The following ARHGEF4 variants were observed in gnomAD, a reference collection of about 807,000 sequenced individuals.
ARHGEF4 encodes Rho guanine nucleotide exchange factor 4.
In ARHGEF4, 119 loss-of-function variants were observed where a neutral mutation model predicts 162.0. The ratio of observed to expected loss-of-function variants is 0.73; its 90% CI spans 0.63 to 0.86. ARHGEF4 has a LOEUF of 0.86. ARHGEF4 is among the 40% of genes least tolerant of loss of function. ARHGEF4 has a pLI of 0.00. For synonymous variants in ARHGEF4, 1,014 were observed against 979.9 expected (o/e 1.03, Z -0.65); for missense variants, 2,488 against 2,456.0 (o/e 1.01, Z -0.28).
chr2:130,867,453 G>A (rs1223494502), intron 1 of ARHGEF4, among the ~76,000 whole-genome samples: 1 of 151,960 alleles, frequency 6.6e-6, no homozygotes, highest in Non-Finnish European at 1.5e-5. Flanking sequence ...GGCCAGGCTG[G>A]TCTCGAACTC....
chr2:130,837,323 C>G (rs1286690970), intron 1 of ARHGEF4: 5 of 350,962 alleles, frequency 1.4e-5, no homozygotes, highest in Non-Finnish European at 2.6e-5. Flanking sequence ...GCGGGGCACT[C>G]GGAGCCGCTG....
chr2:130,934,851 G>A (rs533153321), intron 3 of ARHGEF4, among the ~76,000 whole-genome samples: 1 of 151,232 alleles, frequency 6.6e-6, no homozygotes, highest in African/African-American at 2.4e-5. Context: ...GCCAAAGTTT[G>A]TATTTCTTAT....
intron 1 of ARHGEF4, among the ~76,000 whole-genome samples, chr2:130,868,717 C>T (rs1682474521): frequency 6.6e-6 from 1 of 152,156 alleles, no homozygotes; most frequent in East Asian, 1.9e-4. Context: ...GCTGCTGCAA[C>T]AAGCTAGTAC....
At position 130,999,358 on chromosome 2, in the gene ARHGEF4, A is replaced by G. The variant is rs374631662; in HGVS notation, c.3986-28587A>G. On this transcript the variant is annotated intron_variant, in intron 4 of 13. Transcript: ENST00000409359. ...TTTTTAGTAGAGACGGGGTTTTACC[A>G]TGTTAGCCAGGATGGTCTCGATCTC... 3.3e-3 allele frequency among the ~76,000 whole-genome samples: 506 copies of G among 151,384 alleles called. 3 individuals carry two copies. The highest frequency in any genetic ancestry group is 8.0e-3 in the East Asian group (40 of 5,006).
At chr2:130,855,040 A>AT (rs577945797) in intron 1 of ARHGEF4, among the ~76,000 whole-genome samples, 19,129 of 146,424 alleles carry the variant, frequency 0.13, 1,313 homozygotes, top group South Asian at 0.22. Flanking sequence ...CGCCCGGCAA[A>AT]TTTTTTTTTT....
intron 1 of ARHGEF4, among the ~76,000 whole-genome samples, chr2:130,907,201 T>G (rs1386694002): frequency 6.9e-6 from 1 of 144,282 alleles, no homozygotes; most frequent in Non-Finnish European, 1.5e-5. Flanking sequence ...TAATTGATAG[T>G]TTGTCCCTTT....
intron 1 of ARHGEF4, among the ~76,000 whole-genome samples, chr2:130,854,788 G>A (rs1160625233): frequency 6.6e-6 from 1 of 152,198 alleles, no homozygotes; most frequent in East Asian, 1.9e-4. Context: ...GTGTTCTGAT[G>A]CAGGGCTTCT....
chr2:131,045,878 G>A, intron 13 of ARHGEF4, 160 bp from the exon 14 acceptor site: 2 of 1,486,550 alleles, frequency 1.3e-6, no homozygotes, highest in Non-Finnish European at 1.8e-6. Context: ...CTGAGCTCTT[G>A]GATGTGGTCA....
intron 4 of ARHGEF4, among the ~76,000 whole-genome samples, chr2:131,005,715 C>T (rs1255431039): frequency 3.9e-5 from 6 of 152,134 alleles, no homozygotes; most frequent in Non-Finnish European, 8.8e-5. Flanking sequence ...CCCAGCGCCC[C>T]AGGGGCCAGG....
chr2:131,033,113 A>G (rs1689979842), intron 5 of ARHGEF4, among the ~76,000 whole-genome samples: 1 of 152,018 alleles, frequency 6.6e-6, no homozygotes, highest in Admixed American at 6.5e-5. Flanking sequence ...TTGGCTTCGC[A>G]AAGTGCTGGG....
At chr2:130,867,149 TG>T (rs1392464580) in intron 1 of ARHGEF4, among the ~76,000 whole-genome samples, 7 of 152,192 alleles carry the variant, frequency 4.6e-5, no homozygotes, top group African/African-American at 1.7e-4. Context: ...ATTTTCAAAC[TG>T]GGGGGTATAG....
chr2:130,914,848 C>T lies in ARHGEF4; in HGVS notation c.902C>T (p.Ser301Phe). ...CCCTGCCAGCCTCCTTTGAGGACAT[C>T]TTGCCTCCTACGCACCAACCGTCAC... ...DVPCQPPLRT[S>F]CLLRTNRHHS... Residue 301 changes from serine to phenylalanine, a missense_variant, in exon 2 of 14, where the codon TCT (serine) becomes TTT (phenylalanine). Physicochemically the swap from Ser to Phe is radical, Grantham distance 155 (BLOSUM62 -2). Transcript: ENST00000409359. 6.8e-7 allele frequency: 1 copy of T among 1,468,226 alleles called. No homozygotes were observed. Among genetic ancestry groups the T allele is most frequent in the Middle Eastern group, 1.8e-4 (1 of 5,512 alleles). 90.9% of individuals were successfully genotyped at this position (1,468,226 alleles called of 1,614,324 possible).
chr2:130,962,884 C>T (rs1434622396), intron 4 of ARHGEF4, among the ~76,000 whole-genome samples: 1 of 152,160 alleles, frequency 6.6e-6, no homozygotes, highest in Non-Finnish European at 1.5e-5. Flanking sequence ...GCCCCTCAAC[C>T]TCCAAAGGGA....
At position 130,936,193 on chromosome 2, in the gene ARHGEF4, G is replaced by GTTAGT. The variant is rs1682935203; in HGVS notation, c.3858+4939_3858+4943dup. ...TTGGTTTAGTGTTCTGTATATGTCT[G>GTTAGT]TTAGTTTTAATTGGTTTATAGTATT... On this transcript the variant is annotated intron_variant, in intron 3 of 13. Coordinates refer to ENST00000409359, the MANE Select transcript of ARHGEF4 (RefSeq NM_001367493.1). Among the ~76,000 whole-genome samples, 6 of 152,320 alleles carry GTTAGT rather than the reference G, an allele frequency of 3.9e-5. No individual in the cohort carries two copies. In the South Asian group the frequency reaches 1.0e-3, roughly 26 times the overall value.
rs1395424313 is a variant in ARHGEF4 at position 130,931,155 on chromosome 2, G to A, written c.3756G>A (p.Val1252=). 6.2e-7 allele frequency: 1 copy of A among 1,614,066 alleles called. No individual in the cohort carries two copies. Among genetic ancestry groups the A allele is most frequent in the Non-Finnish European group, 8.5e-7 (1 of 1,180,026 alleles). ...TCCCTCACCGCTCGCCCGTCAGTGT[G>A]GATGACCTGTGGCTGGAGAAGACAC... ...RGIPHRSPVS[V]DDLWLEKTQR... is the part of the protein sequence containing the mutation. The change falls in exon 3 of 14, where the codon GTG becomes GTA. Residue 1252 remains valine, a synonymous_variant. Transcript: ENST00000409359.
Position 130,915,889 on chromosome 2 carries a change from C to A in ARHGEF4, c.1943C>A (p.Ala648Glu). 6.5e-7 allele frequency: 1 copy of A among 1,549,738 alleles called. No homozygotes were observed. The highest frequency in any genetic ancestry group is 2.4e-5 in the East Asian group (1 of 40,912). Residue 648 changes from alanine to glutamate, a missense_variant, in exon 2 of 14, where the codon GCG becomes GAG. By Grantham distance (107) the Ala-to-Glu change is moderately radical. This residue lies in a region of ARHGEF4 where 1,642 missense variants were observed against 1,481.5 expected (regional missense o/e 1.11). Transcript: ENST00000409359. ...GGTCTTCAGGCCAGCAGGAGCAATG[C>A]GGGGCCTGTTCCAGAAACACTGCCC... is the stretch of plus-strand genomic sequence containing the variant. ...QKGLQASRSN[A>E]GPVPETLPRD...
In ARHGEF4 at chr2:130,917,317, G is replaced by A; in HGVS notation, c.3371G>A (p.Ser1124Asn). 1 of 1,550,598 alleles carries A rather than the reference G, an allele frequency of 6.4e-7. No homozygotes were observed. The highest frequency in any genetic ancestry group is 8.7e-7 in the Non-Finnish European group (1 of 1,147,000). Residue 1124 changes from serine to asparagine, a missense_variant, in exon 2 of 14, where the codon AGC (serine) becomes AAC (asparagine). Physicochemically the swap from Ser to Asn is conservative, Grantham distance 46. Transcript: ENST00000409359. ...TCCATGGTTTCTCTTGGAAGCTACA[G>A]CTACGTGGACAGCAGTTCAGGGGAC... ...AISMVSLGSY[S>N]YVDSSSGDPE...
rs1681479547 is a variant in ARHGEF4, at chr2:130,916,195, G to T, written c.2249G>T (p.Gly750Val). ...ESRSSGSGER[G>V]PEEAPEGGAA... ...CGGAGCTCCGGGTCAGGGGAGCGTG[G>T]CCCGGAGGAGGCCCCCGAAGGCGGT... The change falls in exon 2 of 14, where the codon GGC (glycine) becomes GTC (valine). Residue 750 changes from glycine to valine, a missense_variant. Gly to Val is a moderately radical substitution (Grantham distance 109). Transcript: ENST00000409359. 1 of 1,547,418 alleles carries T rather than the reference G, an allele frequency of 6.5e-7. No individual in the cohort carries two copies. The highest frequency in any genetic ancestry group is 2.0e-5 in the Admixed American group (1 of 50,900).
chr2:131,042,934 G>A (rs1017749540), intron 10 of ARHGEF4, among the ~76,000 whole-genome samples: 2 of 152,190 alleles, frequency 1.3e-5, no homozygotes, highest in African/African-American at 4.8e-5. Context: ...GGCCTCAGAG[G>A]TGAATCCCAG....
Sources: gnomAD v4.1 joint callset for allele counts (sites outside exome capture counted in the v4.1 genomes callset) on GRCh38, gnomAD v4.1.1 for gene constraint, gnomAD v4.1.1 regional missense constraint, MANE v1.5 for transcripts, NCBI Gene and HGNC (gene_info 2026-07-23, HGNC 2026-07-21) for gene names.